Variants in DIAPH2 observed in about 807,000 individuals in gnomAD.
The protein encoded by DIAPH2 is diaphanous related formin 2, also known as protein diaphanous homolog 2.
A neutral mutation model predicts 92.7 loss-of-function variants in DIAPH2; 35 were observed. The ratio of observed to expected loss-of-function variants is 0.38; its 90% CI spans 0.29 to 0.50. DIAPH2 has a LOEUF of 0.50. Ranked by LOEUF, DIAPH2 falls within the 20% of genes least tolerant of loss-of-function variation. The pLI, the probability that DIAPH2 is intolerant of heterozygous loss-of-function variation, is 0.94. For synonymous variants in DIAPH2, 301 were observed against 280.4 expected (o/e 1.07, Z -0.73); for missense variants, 701 against 819.5 (o/e 0.86, Z 1.77).
intron 4 of DIAPH2, among the ~76,000 whole-genome samples, chrX:96,827,882 C>T (rs373648030): frequency 9.0e-6 from 1 of 111,183 alleles, no homozygotes; most frequent in South Asian, 3.8e-4. Context: ...TGTGCAGTGG[C>T]GCCATCTCGG....
rs1556000497 is a variant in DIAPH2 at position 97,198,303 on chromosome X, CAT to C, written c.2720-49409_2720-49408del. On this transcript the variant is annotated intron_variant, in intron 22 of 26. Coordinates refer to ENST00000324765, the MANE Select transcript of DIAPH2 (RefSeq NM_006729.5). ...ACACACACACACACACACACACACA[CAT>C]ATGTGTATATACATATATATATACA... 1.0e-4 allele frequency among the ~76,000 whole-genome samples: 10 copies of C among 97,717 alleles called. No individual in the cohort carries two copies. In the East Asian group the frequency reaches 1.6e-3, roughly 16 times the overall value. The allele number at this position is 97,717 out of a possible 115,157, so 84.9% of individuals were successfully genotyped here. A position where few individuals can be genotyped will look rare whatever the true frequency, so the allele number is the denominator to read the frequency against.
chrX:96,869,151 G>T (rs1233955551), intron 4 of DIAPH2, among the ~76,000 whole-genome samples: 2 of 110,492 alleles, frequency 1.8e-5, no homozygotes, highest in African/African-American at 3.3e-5. Flanking sequence ...CCTCATTTTT[G>T]GGGGAGCAGA....
intron 17 of DIAPH2, among the ~76,000 whole-genome samples, chrX:96,997,789 T>G (rs946893265): frequency 8.9e-6 from 1 of 111,984 alleles, no homozygotes; most frequent in African/African-American, 3.2e-5. Flanking sequence ...CTTCAATGTC[T>G]TGTGTACTTT....
chrX:97,588,487 A>C (rs1224790483), intron 26 of DIAPH2, among the ~76,000 whole-genome samples: 1 of 109,318 alleles, frequency 9.1e-6, no homozygotes, highest in Admixed American at 9.8e-5. Context: ...TTGAAGTCTC[A>C]TGTGATTTTT....
At chrX:97,372,619 G>A (rs1445457349) in intron 24 of DIAPH2, among the ~76,000 whole-genome samples, 1 of 111,652 alleles carries the variant, frequency 9.0e-6, no homozygotes, top group Non-Finnish European at 1.9e-5. Flanking sequence ...AGGACTTTTT[G>A]TATAAACCAT....
intron 1 of DIAPH2, among the ~76,000 whole-genome samples, 169 bp downstream of exon 1, chrX:96,685,359 G>A (rs1018853859): frequency 1.8e-5 from 2 of 112,345 alleles, no homozygotes; most frequent in African/African-American, 6.5e-5. Flanking sequence ...CGGAGACGGC[G>A]TGGGGGCGGA....
intron 9 of DIAPH2, among the ~76,000 whole-genome samples, chrX:96,924,244 A>C: frequency 8.9e-6 from 1 of 112,070 alleles, no homozygotes; most frequent in Non-Finnish European, 1.9e-5. Context: ...ATTACTTAGG[A>C]AACTTGTTCT....
intron 26 of DIAPH2, among the ~76,000 whole-genome samples, chrX:97,500,791 T>TCC (rs1569412715): frequency 4.2e-4 from 40 of 95,521 alleles, no homozygotes; most frequent in Middle Eastern, 0.01. Flanking sequence ...TATATATATA[T>TCC]ATATATATAT....
intron 25 of DIAPH2, among the ~76,000 whole-genome samples, chrX:97,401,596 A>G (rs893951930): frequency 2.7e-5 from 3 of 111,676 alleles, no homozygotes; most frequent in Non-Finnish European, 3.8e-5. Flanking sequence ...GATTCTTGCC[A>G]TGCTGCAGCT....
intron 22 of DIAPH2, among the ~76,000 whole-genome samples, chrX:97,191,713 C>G (rs1046818524): frequency 1.8e-5 from 2 of 112,120 alleles, no homozygotes; most frequent in Admixed American, 1.9e-4. Context: ...AAACAAGATA[C>G]TTTTTATACT....
chrX:96,870,596 GT>G (rs1419906610), intron 4 of DIAPH2, among the ~76,000 whole-genome samples: 5 of 110,596 alleles, frequency 4.5e-5, no homozygotes, highest in African/African-American at 1.6e-4. Flanking sequence ...ATTTATTCAT[GT>G]GACAATTAGT....
intron 26 of DIAPH2, among the ~76,000 whole-genome samples, chrX:97,451,953 G>C (rs2070362431): frequency 9.0e-6 from 1 of 111,162 alleles, no homozygotes; most frequent in Admixed American, 9.6e-5. Context: ...ATTTTCCTAG[G>C]TAAGCTATGC....
intron 17 of DIAPH2, among the ~76,000 whole-genome samples, chrX:97,018,263 C>G (rs1274062837): frequency 1.8e-5 from 2 of 111,874 alleles, no homozygotes; most frequent in African/African-American, 6.5e-5. Context: ...ACAGGAGAGG[C>G]TAGCATCTTA....
At chrX:97,370,990 C>G (rs1206045143) in intron 24 of DIAPH2, among the ~76,000 whole-genome samples, 1 of 111,555 alleles carries the variant, frequency 9.0e-6, no homozygotes, top group African/African-American at 3.3e-5. Flanking sequence ...TGTTACAAAA[C>G]AAATGCTATA....
intron 1 of DIAPH2, among the ~76,000 whole-genome samples, chrX:96,704,261 G>T (rs1423240378): frequency 8.9e-6 from 1 of 112,139 alleles, no homozygotes; most frequent in Non-Finnish European, 1.9e-5. Context: ...AGGGATTTGT[G>T]ATCCTGGCAA....
At chrX:96,958,929 G>A (rs2065830031) in intron 16 of DIAPH2, among the ~76,000 whole-genome samples, 1 of 111,460 alleles carries the variant, frequency 9.0e-6, no homozygotes. Flanking sequence ...TTTTATAGTT[G>A]AATGGTATTC....
At chrX:96,933,731 G>A (rs12843506) in intron 10 of DIAPH2, among the ~76,000 whole-genome samples, 23 of 105,035 alleles carry the variant, frequency 2.2e-4, no homozygotes, top group African/African-American at 7.6e-4. Context: ...AACCTCCTGA[G>A]TAGCTGGGAC....
rs748718266 is a variant in DIAPH2, at chrX:96,883,386, G to GT, written c.587+1679dup. Among the ~76,000 whole-genome samples, 726 of 101,183 alleles carry GT rather than the reference G, an allele frequency of 7.2e-3. 10 individuals carry two copies. The highest frequency in any genetic ancestry group is 0.021 in the African/African-American group (584 of 28,057). 87.9% of individuals were successfully genotyped at this position (101,183 alleles called of 115,157 possible). A position where few individuals can be genotyped will look rare whatever the true frequency, so the allele number is the denominator to read the frequency against. ...CTAGGTTTTTTGTTTTTTGTTTTTTGTTTTTTTTTTTGAGACGGAGTTTTG... is the reference window on the plus strand; with the variant it reads ...CTAGGTTTTTTGTTTTTTGTTTTTTGTTTTTTTTTTTTGAGACGGAGTTTTG... On this transcript the variant is annotated intron_variant, in intron 5 of 26. Coordinates refer to ENST00000324765, the MANE Select transcript of DIAPH2 (RefSeq NM_006729.5).
rs779974995 is a variant in DIAPH2, at chrX:97,479,060, G to C, written c.3241+49315G>C. Among the ~76,000 whole-genome samples, 3 of 111,699 alleles carry C rather than the reference G, an allele frequency of 2.7e-5. No individual in the cohort carries two copies. In the East Asian group the frequency reaches 8.4e-4, roughly 31 times the overall value. On this transcript the variant is annotated intron_variant, in intron 26 of 26. Coordinates refer to ENST00000324765, the MANE Select transcript of DIAPH2 (RefSeq NM_006729.5). ...GCTATTCCAGCAATTGGTTGTCTTTGAAGTAGGCAATTTACCCTTTTTTTC... is the reference window on the plus strand; with the variant it reads ...GCTATTCCAGCAATTGGTTGTCTTTCAAGTAGGCAATTTACCCTTTTTTTC...
Sources: gnomAD v4.1 joint callset for allele counts (sites outside exome capture counted in the v4.1 genomes callset) on GRCh38, gnomAD v4.1.1 for gene constraint, MANE v1.5 for transcripts, NCBI Gene and HGNC (gene_info 2026-07-23, HGNC 2026-07-21) for gene names.